Variants in GINS4 observed in about 807,000 individuals in gnomAD.
GINS4 encodes the protein GINS complex subunit 4.
A neutral mutation model predicts 31.1 loss-of-function variants in GINS4; 20 were observed. The observed-to-expected ratio is 0.64, with a 90% confidence interval of 0.45 to 0.93. GINS4 has a LOEUF of 0.93. Ranked by LOEUF, GINS4 falls within the 40% of genes least tolerant of loss-of-function variation. GINS4 has a pLI of 0.00. For missense variants in GINS4, 245 were observed against 273.9 expected (o/e 0.89, Z 0.75); for synonymous variants, 85 against 97.9 (o/e 0.87, Z 0.78).
At chr8:41,534,281 C>A in intron 2 of GINS4, 1 of 420,668 alleles carries the variant, frequency 2.4e-6, no homozygotes, top group Non-Finnish European at 4.8e-6. Flanking sequence ...GTGGTATGTA[C>A]CTTTAGTCCC....
chr8:41,529,899 G>C, intron 1 of GINS4: 1 of 260,986 alleles, frequency 3.8e-6, no homozygotes, highest in Non-Finnish European at 7.4e-6. Flanking sequence ...ACCTCTACTG[G>C]GAAGTCAAAG....
chr8:41,533,278 G>A (rs929856619), intron 2 of GINS4, among the ~76,000 whole-genome samples: 9 of 152,316 alleles, frequency 5.9e-5, no homozygotes, highest in South Asian at 2.1e-4. Context: ...AGGCAGAGCC[G>A]CCACCCTTGG....
Position 41,542,759 on chromosome 8 carries a change from G to A in GINS4, c.*672G>A, listed in dbSNP as rs1256748390. The A allele has an allele frequency of 2.0e-5, 3 of 153,024 alleles. No individual in the cohort carries two copies. The highest frequency in any genetic ancestry group is 6.5e-5 in the Admixed American group (1 of 15,402). 9.5% of individuals were successfully genotyped at this position (153,024 alleles called of 1,614,324 possible). A position where few individuals can be genotyped will look rare whatever the true frequency, so the allele number is the denominator to read the frequency against. On this transcript the variant is annotated 3_prime_UTR_variant, in exon 8 of 8. Coordinates refer to ENST00000276533, the MANE Select transcript of GINS4 (RefSeq NM_032336.3). ...AGGACAATAATAAAGTAGTTTACTA[G>A]GCATCAGACATTCCTCAGCAGTGCT...
At chr8:41,533,800 T>C (rs963173279) in intron 2 of GINS4, among the ~76,000 whole-genome samples, 2 of 152,230 alleles carry the variant, frequency 1.3e-5, no homozygotes, top group Admixed American at 1.3e-4. Context: ...TTCTAGAGGC[T>C]GAGGTCAAAG....
chr8:41,533,433 T>G (rs59388927), intron 2 of GINS4, among the ~76,000 whole-genome samples: 1,980 of 152,050 alleles, frequency 0.013, 40 homozygotes, highest in African/African-American at 0.046. Flanking sequence ...GCGGCGGGGG[T>G]TCTGACAGCA....
Position 41,544,035 on chromosome 8 carries a change from A to G in GINS4, c.*1948A>G, listed in dbSNP as rs889744494. Reference sequence around the variant, plus strand: ...GGAGGTTTTATTTCTTGACAAAGGTATTTGATACTCGTGCAGTCCCTGGAG... The same window carrying G: ...GGAGGTTTTATTTCTTGACAAAGGTGTTTGATACTCGTGCAGTCCCTGGAG... On this transcript the variant is annotated 3_prime_UTR_variant, in exon 8 of 8. Transcript: ENST00000276533. The G allele has an allele frequency of 2.0e-5, 3 of 152,206 alleles. No homozygotes were observed. The highest frequency in any genetic ancestry group is 7.2e-5 in the African/African-American group (3 of 41,444). The allele number at this position is 152,206 out of a possible 1,614,324, so 9.4% of individuals were successfully genotyped here. A position where few individuals can be genotyped will look rare whatever the true frequency, so the allele number is the denominator to read the frequency against.
At chr8:41,536,070 A>G (rs1806736104) in intron 2 of GINS4, among the ~76,000 whole-genome samples, 1 of 152,204 alleles carries the variant, frequency 6.6e-6, no homozygotes, top group Non-Finnish European at 1.5e-5. Context: ...TTTGAACACC[A>G]GGTGGTGTCA....
In GINS4 at chr8:41,544,917, A is replaced by T. The variant is rs1247506960; in HGVS notation, c.*2830A>T. ...GCCCTGTACATGTCCAACTGCACGG[A>T]GCACTTTACATCCTCTAAAACCACA... On this transcript the variant is annotated 3_prime_UTR_variant, in exon 8 of 8. Coordinates refer to ENST00000276533, the MANE Select transcript of GINS4 (RefSeq NM_032336.3). 2 of 152,128 alleles carry T rather than the reference A, an allele frequency of 1.3e-5. No homozygotes were observed. Among genetic ancestry groups the T allele is most frequent in the Non-Finnish European group, 2.9e-5 (2 of 68,024 alleles). 9.4% of individuals were successfully genotyped at this position (152,128 alleles called of 1,614,324 possible). A position where few individuals can be genotyped will look rare whatever the true frequency, so the allele number is the denominator to read the frequency against.
intron 6 of GINS4, among the ~76,000 whole-genome samples, chr8:41,541,440 T>G (rs546372242): frequency 6.6e-6 from 1 of 152,266 alleles, no homozygotes; most frequent in Admixed American, 6.5e-5. Flanking sequence ...TCGCTTTCAC[T>G]TAATTGCCTC....
At chr8:41,532,552 AGGCCGGGTGC>A (rs1806664222) in intron 2 of GINS4, among the ~76,000 whole-genome samples, 2 of 151,524 alleles carry the variant, frequency 1.3e-5, no homozygotes, top group Non-Finnish European at 3.0e-5. Flanking sequence ...AATATAGGGC[AGGCCGGGTGC>A]GGTGGCTCAC....
intron 4 of GINS4, among the ~76,000 whole-genome samples, chr8:41,538,917 G>A (rs1563255008): frequency 1.3e-5 from 2 of 151,298 alleles, no homozygotes; most frequent in South Asian, 2.1e-4. Context: ...GGCTGATCTC[G>A]AACTCCTGAC....
intron 6 of GINS4, chr8:41,540,347 A>C: frequency 1.5e-5 from 5 of 330,134 alleles, no homozygotes; most frequent in South Asian, 2.9e-5. Flanking sequence ...CTACACCAAC[A>C]TTGCCCCTGC....
In GINS4 at chr8:41,541,841, C is replaced by A. The variant is rs1481419852; in HGVS notation, c.517C>A (p.Leu173Met). Residue 173 changes from leucine to methionine, a missense_variant, in exon 7 of 8, where the codon CTG (leucine) becomes ATG (methionine). Physicochemically the swap from Leu to Met is conservative, Grantham distance 15 (BLOSUM62 2). Coordinates refer to ENST00000276533, the MANE Select transcript of GINS4 (RefSeq NM_032336.3). ...PKPDLDSYVF[L>M]RVRERQENIL... ...ACCAGATCTAGATTCTTACGTGTTT[C>A]TGAGAGTGAGAGAACGACAAGAAAA... The A allele has an allele frequency of 6.2e-7, 1 of 1,614,008 alleles. No homozygotes were observed. The highest frequency in any genetic ancestry group is 1.3e-5 in the African/African-American group (1 of 74,928).
At chr8:41,531,129 G>A (rs946075273) in intron 2 of GINS4, among the ~76,000 whole-genome samples, 5 of 152,126 alleles carry the variant, frequency 3.3e-5, no homozygotes, top group Admixed American at 6.5e-5. Context: ...AAAATTAGCC[G>A]GATGTGGTGG....
rs1400384636 is a variant in GINS4 at position 41,543,088 on chromosome 8, T to G, written c.*1001T>G. On this transcript the variant is annotated 3_prime_UTR_variant, in exon 8 of 8. Coordinates refer to ENST00000276533, the MANE Select transcript of GINS4 (RefSeq NM_032336.3). ...TCTGCTGCGAAGATTGTAAATAGAT[T>G]AAAGAAAACAGCTGTGGCCTTCTCC... 6.6e-6 allele frequency: 1 copy of G among 152,204 alleles called. No homozygotes were observed. Among genetic ancestry groups the G allele is most frequent in the African/African-American group, 2.4e-5 (1 of 41,446 alleles). The allele number at this position is 152,204 out of a possible 1,614,324, so 9.4% of individuals were successfully genotyped here.
At chr8:41,539,467 C>T (rs1273291545) in intron 4 of GINS4, among the ~76,000 whole-genome samples, 9 of 152,150 alleles carry the variant, frequency 5.9e-5, no homozygotes, top group African/African-American at 1.7e-4. Context: ...CAATCCAAGC[C>T]GTCCCCTAGC....
At chr8:41,541,778 T>C in intron 6 of GINS4, 31 bp from the exon 7 acceptor site, 7 of 1,573,190 alleles carry the variant, frequency 4.4e-6, no homozygotes, top group Non-Finnish European at 6.1e-6. Flanking sequence ...TGGCCGAGGA[T>C]TTCCTAATCA....
intron 5 of GINS4, 45 bp from the exon 6 acceptor site, chr8:41,539,871 C>G (rs1223035078): frequency 6.3e-7 from 1 of 1,593,220 alleles, no homozygotes; most frequent in Admixed American, 1.7e-5. Flanking sequence ...CCTTGGACGT[C>G]CATCAGCTGT....
Position 41,539,715 on chromosome 8 carries a change from A to T in GINS4, c.335A>T (p.Lys112Ile), listed in dbSNP as rs951532434. The change falls in exon 5 of 8, where the codon AAA (lysine) becomes ATA (isoleucine). Residue 112 changes from lysine to isoleucine, a missense_variant. Transcript: ENST00000276533. The stretch of plus-strand genomic sequence containing the variant: ...TTCCCTCATGTCCTTGAGAAGGAAA[A>T]AACACGTCCTGAGGGGGAGCCTTCC... ...KFFPHVLEKEKTRPEGEPSSL... is the reference protein window; with the variant it reads ...KFFPHVLEKEITRPEGEPSSL... The T allele has an allele frequency of 2.0e-5, 32 of 1,614,052 alleles. No homozygotes were observed. The highest frequency in any genetic ancestry group is 2.5e-5 in the Non-Finnish European group (30 of 1,180,028).
Sources: gnomAD v4.1 joint callset for allele counts (sites outside exome capture counted in the v4.1 genomes callset) on GRCh38, gnomAD v4.1.1 for gene constraint, MANE v1.5 for transcripts, NCBI Gene and HGNC (gene_info 2026-07-23, HGNC 2026-07-21) for gene names.